The following DIP2C variants were observed in gnomAD, a reference collection of about 807,000 sequenced individuals.
The protein encoded by DIP2C is DIP2 acetate--CoA ligase C (putative), also known as disco-interacting protein 2 homolog C.
Under a neutral mutation model 192.4 loss-of-function variants are expected in DIP2C, and 33 were observed. The observed-to-expected ratio is 0.17, with a 90% CI of 0.13 to 0.23. DIP2C has a LOEUF of 0.23. DIP2C is among the 10% of genes least tolerant of loss of function. The pLI is 1.00. For missense variants in DIP2C, 1,537 were observed against 2,110.1 expected (o/e 0.73, Z 5.32); for synonymous variants, 979 against 864.1 (o/e 1.13, Z -2.33).
chr10:555,671 G>A (rs1201968400), intron 1 of DIP2C, among the ~76,000 whole-genome samples: 1 of 152,154 alleles, frequency 6.6e-6, no homozygotes, highest in East Asian at 1.9e-4. Context: ...CCTGGCAGGT[G>A]GCAGACTCCT....
intron 1 of DIP2C, among the ~76,000 whole-genome samples, chr10:603,322 A>AAAAAAAAAAAAC (rs1852224541): frequency 7.3e-6 from 1 of 136,822 alleles, no homozygotes; most frequent in African/African-American, 3.0e-5. Flanking sequence ...AAAAAAAAAA[A>AAAAAAAAAAAAC]AAAAAAAAAA....
At chr10:481,304 A>G (rs1275690024) in intron 2 of DIP2C, among the ~76,000 whole-genome samples, 2 of 152,244 alleles carry the variant, frequency 1.3e-5, no homozygotes, top group East Asian at 1.9e-4. Flanking sequence ...GTATGTAACC[A>G]AAGTGCAAAA....
At chr10:344,072 G>A (rs866414528) in intron 28 of DIP2C, among the ~76,000 whole-genome samples, 58 of 152,276 alleles carry the variant, frequency 3.8e-4, no homozygotes, top group Middle Eastern at 3.4e-3. Context: ...TCTACTCTAC[G>A]TCAGACGCTG....
intron 22 of DIP2C, 55 bp downstream of exon 22, chr10:362,435 G>T: frequency 6.3e-7 from 1 of 1,580,920 alleles, no homozygotes; most frequent in East Asian, 2.2e-5. Flanking sequence ...TCCCAGTGCC[G>T]TGCAGCCCCA....
intron 1 of DIP2C, among the ~76,000 whole-genome samples, chr10:597,563 C>T (rs1041766341): frequency 2.6e-5 from 4 of 152,338 alleles, no homozygotes; most frequent in Admixed American, 2.0e-4. Flanking sequence ...AGTGCACTAA[C>T]GCTGTCACTA....
chr10:304,065 T>C (rs1352725308), intron 32 of DIP2C, among the ~76,000 whole-genome samples: 2 of 152,188 alleles, frequency 1.3e-5, no homozygotes, highest in African/African-American at 2.4e-5. Context: ...AACTTTTTTA[T>C]TGTTAAGTAT....
intron 31 of DIP2C, among the ~76,000 whole-genome samples, chr10:319,876 C>CTTAA (rs1340985049): frequency 6.6e-6 from 1 of 152,196 alleles, no homozygotes; most frequent in Non-Finnish European, 1.5e-5. Context: ...CATCTCTCAT[C>CTTAA]TTAAAACAAC....
chr10:289,221 C>T lies in DIP2C; in HGVS notation c.3987-800G>A, dbSNP rs1251805191. On this transcript the variant is annotated intron_variant, in intron 32 of 36. Coordinates refer to ENST00000280886, the MANE Select transcript of DIP2C (RefSeq NM_014974.3). ...CTCCCACCTGGGGACAGGGTGCGGG[C>T]AGGGGGCCTGTGGGCTCCTGAGACA... Among the ~76,000 whole-genome samples the T allele has an allele frequency of 3.7e-5, 5 of 135,530 alleles. No homozygotes were observed. In the East Asian group the frequency reaches 9.7e-4, roughly 26 times the overall value. 88.9% of individuals were successfully genotyped at this position (135,530 alleles called of 152,430 possible).
At chr10:526,865 C>A (rs1297902724) in intron 1 of DIP2C, among the ~76,000 whole-genome samples, 1 of 152,224 alleles carries the variant, frequency 6.6e-6, no homozygotes, top group Non-Finnish European at 1.5e-5. Flanking sequence ...TCCTGCCAGT[C>A]CCCGGCAGAG....
Position 342,559 on chromosome 10 carries a change from C to T in DIP2C, c.3454-1230G>A, listed in dbSNP as rs563879814. 2.0e-4 allele frequency among the ~76,000 whole-genome samples: 31 copies of T among 152,324 alleles called. No homozygotes were observed. The East Asian group carries it at 4.8e-3, about 24-fold the overall frequency. Reference sequence around the variant, plus strand: ...CCTGTCTTATTCACGGCTATCTCCACGGCTGGACATAGCCTCTGCTGTGCA... The same window carrying T: ...CCTGTCTTATTCACGGCTATCTCCATGGCTGGACATAGCCTCTGCTGTGCA... On this transcript the variant is annotated intron_variant, in intron 28 of 36. Coordinates refer to ENST00000280886, the MANE Select transcript of DIP2C (RefSeq NM_014974.3).
chr10:461,168 T>A (rs1360542691), intron 3 of DIP2C, among the ~76,000 whole-genome samples: 2 of 152,182 alleles, frequency 1.3e-5, no homozygotes, highest in Non-Finnish European at 2.9e-5. Context: ...CCAGCTAGCA[T>A]CATAATGACA....
chr10:409,647 C>T lies in DIP2C; in HGVS notation c.1058-630G>A, dbSNP rs539069237. ...GGTGTCACTGCCACAAAGTCACTCC[C>T]GGTGACGTCCCTCATCCACAGCCGG... On this transcript the variant is annotated intron_variant, in intron 8 of 36. Coordinates refer to ENST00000280886, the MANE Select transcript of DIP2C (RefSeq NM_014974.3). 6.8e-4 allele frequency among the ~76,000 whole-genome samples: 104 copies of T among 152,222 alleles called. 1 individual carries two copies. The highest frequency in any genetic ancestry group is 2.8e-4 in the Non-Finnish European group (19 of 68,042).
At position 583,077 on chromosome 10, in the gene DIP2C, G is replaced by GT. The variant is rs931317544; in HGVS notation, c.86-96548dup. On this transcript the variant is annotated intron_variant, in intron 1 of 36. Coordinates refer to ENST00000280886, the MANE Select transcript of DIP2C (RefSeq NM_014974.3). ...GTATTACCTTTTGGGCATCTTCTAG[G>GT]TTTGCAAGAATCAGTGACTACTTTT... Among the ~76,000 whole-genome samples, 38 of 152,292 alleles carry GT rather than the reference G, an allele frequency of 2.5e-4. 1 individual carries two copies. Among genetic ancestry groups the GT allele is most frequent in the Admixed American group, 2.2e-3 (34 of 15,302 alleles).
intron 1 of DIP2C, among the ~76,000 whole-genome samples, chr10:631,610 C>T (rs1183402780): frequency 1.3e-5 from 2 of 152,196 alleles, no homozygotes; most frequent in Admixed American, 1.3e-4. Context: ...TGAAAGGAAA[C>T]GCTAAAGATT....
chr10:317,039 G>A (rs563073927), intron 31 of DIP2C, among the ~76,000 whole-genome samples: 1 of 152,162 alleles, frequency 6.6e-6, no homozygotes, highest in East Asian at 1.9e-4. Flanking sequence ...AGAGTCTCTT[G>A]TGACTTCTAC....
In DIP2C at chr10:372,748, A is replaced by G. The variant is rs561604049; in HGVS notation, c.1992-3115T>C. On this transcript the variant is annotated intron_variant, in intron 17 of 36. Coordinates refer to ENST00000280886, the MANE Select transcript of DIP2C (RefSeq NM_014974.3). ...CCAACACACAGGCGGGCACAGAAGCACGGGTGCTCCCGACACACAGGTGGG... is the reference window on the plus strand; with the variant it reads ...CCAACACACAGGCGGGCACAGAAGCGCGGGTGCTCCCGACACACAGGTGGG... Among the ~76,000 whole-genome samples the G allele has an allele frequency of 2.5e-3, 368 of 149,100 alleles. 1 individual carries two copies. The highest frequency in any genetic ancestry group is 0.01 in the Middle Eastern group (3 of 288).
At chr10:565,315 C>A (rs1183129291) in intron 1 of DIP2C, among the ~76,000 whole-genome samples, 1 of 141,162 alleles carries the variant, frequency 7.1e-6, no homozygotes, top group Non-Finnish European at 1.5e-5. Flanking sequence ...GCTGAGGAAA[C>A]CATGTGACTC....
intron 1 of DIP2C, among the ~76,000 whole-genome samples, chr10:508,717 T>C (rs1319719726): frequency 6.6e-6 from 1 of 150,966 alleles, no homozygotes; most frequent in Non-Finnish European, 1.5e-5. Flanking sequence ...CCATGTTTGC[T>C]TGCTGCCACC....
intron 1 of DIP2C, among the ~76,000 whole-genome samples, chr10:587,454 C>G (rs938352046): frequency 3.3e-5 from 5 of 152,226 alleles, no homozygotes; most frequent in African/African-American, 1.2e-4. Context: ...TAGGTCACCC[C>G]ATGTGAAATC....
Sources: gnomAD v4.1 joint callset for allele counts (sites outside exome capture counted in the v4.1 genomes callset) on GRCh38, gnomAD v4.1.1 for gene constraint, MANE v1.5 for transcripts, NCBI Gene and HGNC (gene_info 2026-07-23, HGNC 2026-07-21) for gene names.